The following KIF6 variants were observed in gnomAD, a reference collection of about 807,000 sequenced individuals.
KIF6 encodes kinesin family member 6.
In KIF6, 106 loss-of-function variants were observed where a neutral mutation model predicts 112.7. The ratio of observed to expected loss-of-function variants is 0.94; its 90% CI spans 0.80 to 1.11. KIF6 has a LOEUF of 1.11. Ranked by LOEUF, KIF6 falls within the 50% of genes least tolerant of loss-of-function variation. The pLI is 0.00. For missense variants in KIF6, 929 were observed against 964.0 expected, an observed-to-expected ratio of 0.96 and a Z score of 0.48; for synonymous variants, 339 against 339.9, an observed-to-expected ratio of 1.00 and a Z score of 0.03.
chr6:39,483,833 A>C (rs952391494), intron 13 of KIF6, among the ~76,000 whole-genome samples: 10 of 152,222 alleles, frequency 6.6e-5, no homozygotes, highest in African/African-American at 2.4e-4. Context: ...TTCTGGTGAA[A>C]GACCAGGTAT....
intron 14 of KIF6, among the ~76,000 whole-genome samples, chr6:39,429,770 T>A (rs1366503010): frequency 6.6e-6 from 1 of 151,934 alleles, no homozygotes; most frequent in East Asian, 1.9e-4. Context: ...TAGCCAGGTG[T>A]GGTGGCGGGT....
At chr6:39,482,006 G>GCACACA (rs143093562) in intron 13 of KIF6, among the ~76,000 whole-genome samples, 2,160 of 141,208 alleles carry the variant, frequency 0.015, 40 homozygotes, top group African/African-American at 0.041. Context: ...GGACCTTTAG[G>GCACACA]CACACACACA....
intron 6 of KIF6, among the ~76,000 whole-genome samples, chr6:39,606,556 T>C (rs1022120434): frequency 6.6e-6 from 1 of 152,088 alleles, no homozygotes; most frequent in Non-Finnish European, 1.5e-5. Flanking sequence ...CCTGAATACT[T>C]TTACATTACA....
chr6:39,554,850 T>C (rs12664369), intron 10 of KIF6: 8,009 of 187,194 alleles, frequency 0.043, 399 homozygotes, highest in East Asian at 0.26. Context: ...TCTTTCTCCA[T>C]CTGCCAAGAT....
chr6:39,508,691 G>T (rs1198089307), intron 13 of KIF6, among the ~76,000 whole-genome samples: 1 of 152,168 alleles, frequency 6.6e-6, no homozygotes, highest in Non-Finnish European at 1.5e-5. Context: ...GCTTGAGTAG[G>T]CAGTTCTATG....
intron 14 of KIF6, among the ~76,000 whole-genome samples, chr6:39,430,507 A>T (rs1303957228): frequency 6.6e-6 from 1 of 152,166 alleles, no homozygotes; most frequent in African/African-American, 2.4e-5. Context: ...GAAATTATAT[A>T]CCTCTAAGTA....
intron 3 of KIF6, among the ~76,000 whole-genome samples, chr6:39,646,006 A>T (rs560443141): frequency 1.3e-3 from 203 of 152,080 alleles, no homozygotes; most frequent in Middle Eastern, 3.4e-3. Flanking sequence ...GCATTAGGAG[A>T]TATACCTAAT....
chr6:39,576,057 C>T (rs1780955740), intron 10 of KIF6, among the ~76,000 whole-genome samples: 1 of 152,190 alleles, frequency 6.6e-6, no homozygotes, highest in Non-Finnish European at 1.5e-5. Context: ...CCACCATATT[C>T]AAAATCTTAC....
chr6:39,534,545 A>G (rs561991449), intron 13 of KIF6, among the ~76,000 whole-genome samples: 2 of 152,356 alleles, frequency 1.3e-5, no homozygotes, highest in African/African-American at 4.8e-5. Context: ...AAAGCCTCCA[A>G]GAAATATGGG....
intron 15 of KIF6, among the ~76,000 whole-genome samples, chr6:39,390,839 T>C (rs1767819228): frequency 6.6e-6 from 1 of 152,182 alleles, no homozygotes; most frequent in South Asian, 2.1e-4. Context: ...GAGAAGCAGT[T>C]TTTTTGGTAC....
At chr6:39,465,286 A>C (rs576989407) in intron 13 of KIF6, among the ~76,000 whole-genome samples, 2 of 152,356 alleles carry the variant, frequency 1.3e-5, no homozygotes, top group Admixed American at 1.3e-4. Flanking sequence ...CATCTTTGGC[A>C]AATGAAGACT....
chr6:39,578,178 C>A lies in KIF6; in HGVS notation c.1078-19G>T, dbSNP rs769530618. The A allele has an allele frequency of 2.7e-6, 4 of 1,508,954 alleles. No homozygotes were observed. Among genetic ancestry groups the A allele is most frequent in the Non-Finnish European group, 2.8e-6 (3 of 1,084,196 alleles). 93.5% of individuals were successfully genotyped at this position (1,508,954 alleles called of 1,614,324 possible). On this transcript the variant is annotated intron_variant, in intron 9 of 22. Coordinates refer to ENST00000287152, the MANE Select transcript of KIF6 (RefSeq NM_145027.6). ...TAATCACCTACAAATGGCAAAGAGGCAGAGAAAATGTCAACTTCTCATTAA... is the reference window on the plus strand; with the variant it reads ...TAATCACCTACAAATGGCAAAGAGGAAGAGAAAATGTCAACTTCTCATTAA...
At chr6:39,649,710 A>C in intron 3 of KIF6, among the ~76,000 whole-genome samples, 1 of 150,054 alleles carries the variant, frequency 6.7e-6, no homozygotes, top group African/African-American at 2.5e-5. Context: ...TGGTAAGAGT[A>C]ACACTCTGAT....
chr6:39,332,057 C>T lies in KIF6; in HGVS notation c.*4475G>A, dbSNP rs1030489942. ...CTGCCTCCTGGGCTCAAGCAATTCTCCTGCCTCAGCCTCTGAGTAGCTGGG... is the reference window on the plus strand; with the variant it reads ...CTGCCTCCTGGGCTCAAGCAATTCTTCTGCCTCAGCCTCTGAGTAGCTGGG... On this transcript the variant is annotated 3_prime_UTR_variant, in exon 23 of 23. Coordinates refer to ENST00000287152, the MANE Select transcript of KIF6 (RefSeq NM_145027.6). The T allele has an allele frequency of 6.6e-6, 1 of 151,970 alleles. No homozygotes were observed. The highest frequency in any genetic ancestry group is 1.5e-5 in the Non-Finnish European group (1 of 68,044). The allele number at this position is 151,970 out of a possible 1,614,324, so 9.4% of individuals were successfully genotyped here.
rs539632780 is a variant in KIF6, at chr6:39,563,916, A to G, written c.1181+14140T>C. 2.6e-5 allele frequency among the ~76,000 whole-genome samples: 4 copies of G among 152,282 alleles called. No individual in the cohort carries two copies. In the South Asian group the frequency reaches 8.3e-4, roughly 32 times the overall value. On this transcript the variant is annotated intron_variant, in intron 10 of 22. Coordinates refer to ENST00000287152, the MANE Select transcript of KIF6 (RefSeq NM_145027.6). Reference sequence around the variant, plus strand: ...AAAATTGCACCTCATTTTAATTTGCATTTCTTTGATAATTAACCAGTTGTT... The same window carrying G: ...AAAATTGCACCTCATTTTAATTTGCGTTTCTTTGATAATTAACCAGTTGTT...
chr6:39,577,927 TA>T, intron 10 of KIF6, 128 bp downstream of exon 10: 1 of 608,518 alleles, frequency 1.6e-6, no homozygotes, highest in Non-Finnish European at 2.8e-6. Flanking sequence ...AACTGGCGCC[TA>T]AATGCAATTT....
chr6:39,618,207 G>A (rs997981085), intron 5 of KIF6, among the ~76,000 whole-genome samples: 1 of 152,130 alleles, frequency 6.6e-6, no homozygotes, highest in Non-Finnish European at 1.5e-5. Context: ...TGGGCTAAAA[G>A]CAATGGACGT....
At chr6:39,544,449 A>C in intron 12 of KIF6, 106 bp downstream of exon 12, 3 of 1,175,052 alleles carry the variant, frequency 2.6e-6, no homozygotes, top group Middle Eastern at 2.0e-4. Context: ...AGCAATGTGA[A>C]ATGGAAGCTG....
At chr6:39,386,671 G>T (rs1767447839) in intron 15 of KIF6, among the ~76,000 whole-genome samples, 1 of 151,984 alleles carries the variant, frequency 6.6e-6, no homozygotes, top group Non-Finnish European at 1.5e-5. Context: ...TTGTTAGAGT[G>T]AGAATTCCTG....
Sources: allele counts gnomAD v4.1 joint callset (sites outside exome capture counted in the v4.1 genomes callset), GRCh38; gene constraint gnomAD v4.1.1; transcripts MANE v1.5; gene names NCBI Gene and HGNC (gene_info 2026-07-23, HGNC 2026-07-21).